Variants in TRAPPC3L observed in about 807,000 individuals in gnomAD.
The protein encoded by TRAPPC3L is trafficking protein particle complex subunit 3L.
In TRAPPC3L, 23 loss-of-function variants were observed where a neutral mutation model predicts 23.7. The ratio of observed to expected loss-of-function variants is 0.97; its 90% CI spans 0.70 to 1.37. The LOEUF is 1.37. Among genes scored for constraint, TRAPPC3L ranks in the 40% most tolerant of loss-of-function variants. The pLI, the probability that TRAPPC3L is intolerant of heterozygous loss-of-function variation, is 0.00. For synonymous variants in TRAPPC3L, 81 were observed against 77.9 expected, an observed-to-expected ratio of 1.04 and a Z score of -0.21; for missense variants, 212 against 216.8, an observed-to-expected ratio of 0.98 and a Z score of 0.14.
intron 2 of TRAPPC3L, among the ~76,000 whole-genome samples, chr6:116,540,969 G>A (rs1339560974): frequency 6.6e-6 from 1 of 152,160 alleles, no homozygotes; most frequent in African/African-American, 2.4e-5. Flanking sequence ...TTTGTTGCCA[G>A]TGAGAGTTTC....
intron 2 of TRAPPC3L, among the ~76,000 whole-genome samples, chr6:116,542,033 AT>A (rs1562355090): frequency 6.6e-6 from 1 of 152,198 alleles, no homozygotes; most frequent in African/African-American, 2.4e-5. Context: ...AACCAAAGGT[AT>A]TTTTGTAGTC....
At chr6:116,506,914 T>C (rs922164439) in intron 3 of TRAPPC3L, among the ~76,000 whole-genome samples, 1 of 152,106 alleles carries the variant, frequency 6.6e-6, no homozygotes, top group Non-Finnish European at 1.5e-5. Flanking sequence ...CTAATGTAAA[T>C]GTCGAGGTGA....
At chr6:116,526,868 A>G (rs1772446276) in intron 3 of TRAPPC3L, among the ~76,000 whole-genome samples, 1 of 152,166 alleles carries the variant, frequency 6.6e-6, no homozygotes, top group Non-Finnish European at 1.5e-5. Context: ...GGTTTGTTTT[A>G]AAGGACTTAA....
At chr6:116,533,701 T>C (rs1314859449) in intron 3 of TRAPPC3L, among the ~76,000 whole-genome samples, 1 of 152,156 alleles carries the variant, frequency 6.6e-6, no homozygotes, top group Non-Finnish European at 1.5e-5. Context: ...TGCAGACATT[T>C]CTCCTTGGCC....
At chr6:116,543,765 T>C (rs1408389077) in intron 1 of TRAPPC3L, 9 of 1,449,308 alleles carry the variant, frequency 6.2e-6, no homozygotes, top group African/African-American at 2.8e-5. Flanking sequence ...ATGTTTTCAG[T>C]TGGAAGCAAG....
At position 116,545,590 on chromosome 6, in the gene TRAPPC3L, T is replaced by A; in HGVS notation, c.-76A>T. 1 of 1,368,316 alleles carries A rather than the reference T, an allele frequency of 7.3e-7. No homozygotes were observed. The highest frequency in any genetic ancestry group is 1.0e-6 in the Non-Finnish European group (1 of 998,158). 84.8% of individuals were successfully genotyped at this position (1,368,316 alleles called of 1,614,324 possible). A position where few individuals can be genotyped will look rare whatever the true frequency, so the allele number is the denominator to read the frequency against. ...TTTCTTAGAGGTGTATCAGTCCATG[T>A]CTTTTTGTTTTGTTTTTGTAAGCTC... On this transcript the variant is annotated 5_prime_UTR_variant, in exon 1 of 5. Coordinates refer to ENST00000368602, the MANE Select transcript of TRAPPC3L (RefSeq NM_001139444.3).
intron 3 of TRAPPC3L, among the ~76,000 whole-genome samples, chr6:116,509,246 T>A (rs909173720): frequency 6.6e-6 from 1 of 152,090 alleles, no homozygotes; most frequent in African/African-American, 2.4e-5. Context: ...GAAGAATCAA[T>A]ATTGTGAAAA....
chr6:116,509,091 T>TAA (rs56112495), intron 3 of TRAPPC3L, among the ~76,000 whole-genome samples: 4,691 of 127,764 alleles, frequency 0.037, 187 homozygotes, highest in African/African-American at 0.12. Context: ...ATAAGAGTTG[T>TAA]AAAAAAAAAA....
At chr6:116,499,788 G>T (rs1009057792) in intron 4 of TRAPPC3L, among the ~76,000 whole-genome samples, 5 of 152,112 alleles carry the variant, frequency 3.3e-5, no homozygotes, top group Non-Finnish European at 7.4e-5. Context: ...AGTTTTTCCT[G>T]CCACACGTCC....
At chr6:116,544,400 C>T (rs543917187) in intron 1 of TRAPPC3L, among the ~76,000 whole-genome samples, 2 of 152,102 alleles carry the variant, frequency 1.3e-5, no homozygotes, top group Middle Eastern at 6.8e-3. Context: ...GGTTCAGTAC[C>T]CATAAAGGCC....
intron 3 of TRAPPC3L, chr6:116,515,839 T>A (rs1583271117): frequency 6.2e-7 from 1 of 1,614,014 alleles, no homozygotes; most frequent in East Asian, 2.2e-5. Flanking sequence ...CTACGTTTGC[T>A]GCCTGGGAGG....
At chr6:116,502,060 T>C (rs372996196) in intron 3 of TRAPPC3L, among the ~76,000 whole-genome samples, 3 of 152,114 alleles carry the variant, frequency 2.0e-5, no homozygotes, top group East Asian at 3.9e-4. Context: ...CAGAGGTCAG[T>C]AATAACAAAC....
At chr6:116,509,088 T>TGG (rs1772058604) in intron 3 of TRAPPC3L, among the ~76,000 whole-genome samples, 1 of 93,930 alleles carries the variant, frequency 1.1e-5, no homozygotes. Flanking sequence ...TTTATAAGAG[T>TGG]TGTAAAAAAA....
chr6:116,504,928 A>G (rs1057104873), intron 3 of TRAPPC3L, among the ~76,000 whole-genome samples: 2 of 152,132 alleles, frequency 1.3e-5, no homozygotes, highest in African/African-American at 4.8e-5. Context: ...ATGGGCAAAA[A>G]CTGGAAGCAT....
chr6:116,510,002 A>G (rs1449940028), intron 3 of TRAPPC3L, among the ~76,000 whole-genome samples: 1 of 152,204 alleles, frequency 6.6e-6, no homozygotes, highest in Non-Finnish European at 1.5e-5. Flanking sequence ...TAATCCCATC[A>G]AAAAGTGAGC....
chr6:116,525,143 T>C (rs1343824833), intron 3 of TRAPPC3L, among the ~76,000 whole-genome samples: 1 of 152,220 alleles, frequency 6.6e-6, no homozygotes, highest in Admixed American at 6.5e-5. Context: ...CAAAGTATGT[T>C]CCCTCATTTG....
chr6:116,536,496 A>T (rs1240567031), intron 3 of TRAPPC3L, among the ~76,000 whole-genome samples: 1 of 152,224 alleles, frequency 6.6e-6, no homozygotes, highest in Non-Finnish European at 1.5e-5. Context: ...TGCTGAGTGC[A>T]GTGTAAGTTC....
At chr6:116,498,696 G>A (rs1053848374) in intron 4 of TRAPPC3L, among the ~76,000 whole-genome samples, 4 of 152,106 alleles carry the variant, frequency 2.6e-5, no homozygotes, top group Non-Finnish European at 4.4e-5. Flanking sequence ...GTTCCTAAAT[G>A]TTGTGAATAT....
chr6:116,515,863 G>T (rs756891575), intron 3 of TRAPPC3L: 27 of 1,613,966 alleles, frequency 1.7e-5, no homozygotes, highest in South Asian at 2.2e-5. Context: ...CTTCAGAGCT[G>T]CATTCTTTCC....
Sources: gnomAD v4.1 joint callset for allele counts (sites outside exome capture counted in the v4.1 genomes callset) on GRCh38, gnomAD v4.1.1 for gene constraint, MANE v1.5 for transcripts, NCBI Gene and HGNC (gene_info 2026-07-23, HGNC 2026-07-21) for gene names.